The following DIAPH3 variants were observed in gnomAD, a reference collection of about 807,000 sequenced individuals.
DIAPH3 encodes the protein protein diaphanous homolog 3.
DIAPH3 carries 117 observed loss-of-function variants against 144.3 expected under a neutral mutation model. The ratio of observed to expected loss-of-function variants is 0.81; its 90% CI spans 0.70 to 0.95. The LOEUF (loss-of-function observed/expected upper bound fraction) is 0.95, where lower values mean the gene tolerates loss of function less well. Ranked by LOEUF, DIAPH3 falls within the 40% of genes least tolerant of loss-of-function variation. The pLI is 0.00. For missense variants in DIAPH3, 1,421 were observed against 1,412.7 expected (o/e 1.01, Z -0.09); for synonymous variants, 519 against 488.9 (o/e 1.06, Z -0.81).
chr13:59,728,436 A>C (rs2035711827), intron 27 of DIAPH3, among the ~76,000 whole-genome samples: 1 of 152,086 alleles, frequency 6.6e-6, no homozygotes, highest in African/African-American at 2.4e-5. Context: ...TAAGGTATAA[A>C]GATATAAAGA....
At chr13:59,791,626 T>C (rs2039329768) in intron 25 of DIAPH3, among the ~76,000 whole-genome samples, 1 of 152,162 alleles carries the variant, frequency 6.6e-6, no homozygotes, top group Admixed American at 6.5e-5. Flanking sequence ...TTGATAACTA[T>C]TCAGATCCTT....
At chr13:59,968,287 G>C (rs2050167279) in intron 17 of DIAPH3, among the ~76,000 whole-genome samples, 1 of 152,150 alleles carries the variant, frequency 6.6e-6, no homozygotes, top group Non-Finnish European at 1.5e-5. Flanking sequence ...AAAGAGAGTA[G>C]CTGTATGGCA....
At chr13:59,821,989 G>A (rs2041098024) in intron 24 of DIAPH3, among the ~76,000 whole-genome samples, 1 of 152,102 alleles carries the variant, frequency 6.6e-6, no homozygotes, top group Non-Finnish European at 1.5e-5. Flanking sequence ...TGTAAAATCG[G>A]TCTCAGGTAA....
chr13:60,123,114 A>G (rs900131967), intron 2 of DIAPH3, among the ~76,000 whole-genome samples: 1 of 152,120 alleles, frequency 6.6e-6, no homozygotes, highest in African/African-American at 2.4e-5. Flanking sequence ...CAGAAGTAAA[A>G]TTAATAAGGA....
intron 21 of DIAPH3, among the ~76,000 whole-genome samples, chr13:59,874,542 A>C (rs1643933106): frequency 6.6e-6 from 1 of 152,120 alleles, no homozygotes; most frequent in Non-Finnish European, 1.5e-5. Flanking sequence ...CCGTCTTAGC[A>C]CCTACTCCTC....
chr13:60,024,283 C>T (rs2054233963), intron 5 of DIAPH3, among the ~76,000 whole-genome samples: 1 of 152,172 alleles, frequency 6.6e-6, no homozygotes, highest in Middle Eastern at 3.4e-3. Flanking sequence ...TGTATTTTTT[C>T]CCAATCTATT....
At position 59,889,552 on chromosome 13, in the gene DIAPH3, T is replaced by A. The variant is rs544474516; in HGVS notation, c.2368-10084A>T. On this transcript the variant is annotated intron_variant, in intron 20 of 27. Coordinates refer to ENST00000400324, the MANE Select transcript of DIAPH3 (RefSeq NM_001042517.2). The stretch of plus-strand genomic sequence containing the variant: ...CATTTGCTTTAGTTCTTTGAACATA[T>A]TTGTAGTATCCTTATTTTGTCTTTG... Among the ~76,000 whole-genome samples the A allele has an allele frequency of 3.3e-5, 5 of 152,224 alleles. No homozygotes were observed. In the East Asian group the frequency reaches 9.6e-4, roughly 29 times the overall value.
At chr13:60,009,694 C>T (rs77863189) in intron 8 of DIAPH3, among the ~76,000 whole-genome samples, 287 of 152,218 alleles carry the variant, frequency 1.9e-3, no homozygotes, top group African/African-American at 6.3e-3. Context: ...AGGCTGAGGC[C>T]GAGTGGTGTC....
intron 27 of DIAPH3, among the ~76,000 whole-genome samples, chr13:59,771,174 T>C (rs1021592727): frequency 6.6e-6 from 1 of 151,938 alleles, no homozygotes; most frequent in Non-Finnish European, 1.5e-5. Context: ...TCTCTATATA[T>C]AAAAAGAAAC....
intron 20 of DIAPH3, among the ~76,000 whole-genome samples, chr13:59,897,974 A>G (rs2046215402): frequency 6.6e-6 from 1 of 151,514 alleles, no homozygotes; most frequent in Admixed American, 6.6e-5. Context: ...TCTACTAAAA[A>G]TAGAAAAAAA....
chr13:60,104,911 C>A (rs536744506), intron 3 of DIAPH3, among the ~76,000 whole-genome samples: 1 of 151,860 alleles, frequency 6.6e-6, no homozygotes, highest in African/African-American at 2.4e-5. Context: ...CTGGCTAACA[C>A]GGTGAAACCC....
chr13:60,006,565 T>C (rs1164517923), intron 9 of DIAPH3, among the ~76,000 whole-genome samples: 1 of 152,038 alleles, frequency 6.6e-6, no homozygotes, highest in Non-Finnish European at 1.5e-5. Flanking sequence ...AAGAAACTTG[T>C]TCAAAGCACC....
In DIAPH3 at chr13:59,773,976, C is replaced by T. The variant is rs2038255143; in HGVS notation, c.3319+213G>A. On this transcript the variant is annotated intron_variant, in intron 27 of 27. Coordinates refer to ENST00000400324, the MANE Select transcript of DIAPH3 (RefSeq NM_001042517.2). Reference sequence around the variant, plus strand: ...ATAATAATAAAAAATTCACTAGAGACCTGATAGAAGAACCTAAGACACAAC... The same window carrying T: ...ATAATAATAAAAAATTCACTAGAGATCTGATAGAAGAACCTAAGACACAAC... 7.7e-6 allele frequency: 4 copies of T among 517,544 alleles called. No individual in the cohort carries two copies. The Admixed American group carries it at 1.5e-4, about 19-fold the overall frequency. The allele number at this position is 517,544 out of a possible 1,614,324, so 32.1% of individuals were successfully genotyped here. A position where few individuals can be genotyped will look rare whatever the true frequency, so the allele number is the denominator to read the frequency against.
chr13:60,074,663 C>T (rs532718365), intron 4 of DIAPH3, among the ~76,000 whole-genome samples: 1 of 152,198 alleles, frequency 6.6e-6, no homozygotes, highest in Non-Finnish European at 1.5e-5. Context: ...TGGTTAGAAT[C>T]CATCAAGGGT....
intron 1 of DIAPH3, among the ~76,000 whole-genome samples, chr13:60,137,861 C>T (rs1339973922): frequency 2.0e-5 from 3 of 151,132 alleles, no homozygotes; most frequent in Non-Finnish European, 2.9e-5. Flanking sequence ...GTAGCTGGGA[C>T]CACAGGCGTG....
At chr13:60,041,913 A>C (rs1280405989) in intron 5 of DIAPH3, among the ~76,000 whole-genome samples, 2 of 152,064 alleles carry the variant, frequency 1.3e-5, no homozygotes, top group Non-Finnish European at 2.9e-5. Context: ...GAATAGACTG[A>C]AATCTCTCTT....
intron 25 of DIAPH3, among the ~76,000 whole-genome samples, chr13:59,802,888 G>A (rs1329919386): frequency 6.7e-6 from 1 of 150,138 alleles, no homozygotes; most frequent in Non-Finnish European, 1.5e-5. Context: ...GTTTCACCTT[G>A]TTAGCCAGGA....
In DIAPH3 at chr13:60,089,642, A is replaced by C. The variant is rs528822832; in HGVS notation, c.495+3986T>G. Among the ~76,000 whole-genome samples the C allele has an allele frequency of 2.0e-5, 3 of 152,326 alleles. No individual in the cohort carries two copies. The South Asian group carries it at 6.2e-4, about 32-fold the overall frequency. On this transcript the variant is annotated intron_variant, in intron 4 of 27. Transcript: ENST00000400324. ...TATCAAGGCCTTTACCACTAACTGCATCACAGTCTTACCTTCCAGCTACGT... is the reference window on the plus strand; with the variant it reads ...TATCAAGGCCTTTACCACTAACTGCCTCACAGTCTTACCTTCCAGCTACGT...
chr13:60,011,374 A>T (rs1308335638), intron 7 of DIAPH3, among the ~76,000 whole-genome samples: 7 of 152,092 alleles, frequency 4.6e-5, no homozygotes, highest in Admixed American at 4.6e-4. Context: ...GGTAAGAGAT[A>T]TATTATCATA....
Sources: gnomAD v4.1 joint callset for allele counts (sites outside exome capture counted in the v4.1 genomes callset) on GRCh38, gnomAD v4.1.1 for gene constraint, MANE v1.5 for transcripts, NCBI Gene and HGNC (gene_info 2026-07-23, HGNC 2026-07-21) for gene names.